The following SNX6 variants were observed in gnomAD, a reference collection of about 807,000 sequenced individuals.
The protein encoded by SNX6 is sorting nexin-6.
In SNX6, 34 loss-of-function variants were observed where a neutral mutation model predicts 63.0. The observed-to-expected ratio is 0.54, with a 90% CI of 0.41 to 0.72. The LOEUF (loss-of-function observed/expected upper bound fraction) is 0.72, where lower values mean the gene tolerates loss of function less well. Ranked by LOEUF, SNX6 falls within the 30% of genes least tolerant of loss-of-function variation. The probability of loss-of-function intolerance (pLI) is 0.00; values close to 1 mark genes in which losing one functional copy is unlikely to be tolerated. For synonymous variants in SNX6, 170 were observed against 164.2 expected, an observed-to-expected ratio of 1.04 and a Z score of -0.27; for missense variants, 398 against 471.4, an observed-to-expected ratio of 0.84 and a Z score of 1.44.
chr14:34,583,845 G>T (rs1338446806), intron 9 of SNX6, among the ~76,000 whole-genome samples: 1 of 94,742 alleles, frequency 1.1e-5, no homozygotes, highest in East Asian at 3.0e-4. Context: ...TCTTTGGGAA[G>T]GTGGCTTTTT....
chr14:34,592,563 G>A (rs1348822973), intron 8 of SNX6, among the ~76,000 whole-genome samples: 2 of 152,044 alleles, frequency 1.3e-5, no homozygotes, highest in Non-Finnish European at 2.9e-5. Flanking sequence ...AAAAATAGTT[G>A]TTGTTTTGTT....
chr14:34,599,089 G>C (rs1201195192), intron 6 of SNX6, among the ~76,000 whole-genome samples: 1 of 152,174 alleles, frequency 6.6e-6, no homozygotes, highest in Non-Finnish European at 1.5e-5. Context: ...CTAGCACCCT[G>C]ATCTTGGGCT....
intron 10 of SNX6, among the ~76,000 whole-genome samples, chr14:34,580,771 G>A (rs1034608917): frequency 2.6e-5 from 4 of 151,396 alleles, no homozygotes; most frequent in Non-Finnish European, 5.9e-5. Flanking sequence ...GCATCCTCCT[G>A]CCTCAGCCTC....
rs141486531 is a variant in SNX6 at position 34,604,483 on chromosome 14, T to C, written c.393-1012A>G. On this transcript the variant is annotated intron_variant, in intron 5 of 13. Coordinates refer to ENST00000362031, the MANE Select transcript of SNX6 (RefSeq NM_152233.4). ...AAGAGAAGTATAGTAGCAGTGTGAA[T>C]ATATAACTAAAAACTAAAACTAGTG... Among the ~76,000 whole-genome samples the C allele has an allele frequency of 1.4e-3, 212 of 152,128 alleles. 1 individual carries two copies. The highest frequency in any genetic ancestry group is 4.7e-3 in the African/African-American group (193 of 41,488).
At chr14:34,568,829 C>T in intron 11 of SNX6, 1 of 1,049,138 alleles carries the variant, frequency 9.5e-7, no homozygotes, top group East Asian at 2.4e-5. Context: ...ACCCGGTGGG[C>T]CACATTCTTG....
At chr14:34,618,511 C>T (rs1883509304) in intron 2 of SNX6, among the ~76,000 whole-genome samples, 1 of 152,116 alleles carries the variant, frequency 6.6e-6, no homozygotes, top group South Asian at 2.1e-4. Context: ...ACACCATGCC[C>T]AGCTAATTTT....
intron 3 of SNX6, among the ~76,000 whole-genome samples, chr14:34,608,400 C>T (rs927370510): frequency 9.2e-5 from 14 of 152,220 alleles, no homozygotes; most frequent in African/African-American, 1.9e-4. Flanking sequence ...TGGACTCAAG[C>T]GATCATCCTG....
At chr14:34,616,191 T>C (rs939011024) in intron 2 of SNX6, among the ~76,000 whole-genome samples, 1 of 150,048 alleles carries the variant, frequency 6.7e-6, no homozygotes, top group Non-Finnish European at 1.5e-5. Context: ...CCTGACCTCA[T>C]GATCCACCTG....
chr14:34,617,125 T>G (rs1883446292), intron 2 of SNX6, among the ~76,000 whole-genome samples: 1 of 151,272 alleles, frequency 6.6e-6, no homozygotes, highest in Admixed American at 6.6e-5. Flanking sequence ...TGAGTTCAGT[T>G]TGAAGAAATT....
chr14:34,571,696 C>T (rs1316946667), intron 11 of SNX6, among the ~76,000 whole-genome samples: 1 of 152,156 alleles, frequency 6.6e-6, no homozygotes, highest in African/African-American at 2.4e-5. Context: ...ACATATCATG[C>T]ATCCACAGCA....
At chr14:34,606,732 G>A (rs1020052739) in intron 4 of SNX6, among the ~76,000 whole-genome samples, 3 of 151,076 alleles carry the variant, frequency 2.0e-5, no homozygotes, top group African/African-American at 2.4e-5. Flanking sequence ...GTCAGCCACC[G>A]TGGCCGGCCG....
At chr14:34,591,170 C>G (rs900460951) in intron 8 of SNX6, among the ~76,000 whole-genome samples, 3 of 151,648 alleles carry the variant, frequency 2.0e-5, no homozygotes, top group African/African-American at 7.3e-5. Flanking sequence ...CCAAAACTTA[C>G]CAAATTGTAC....
At chr14:34,575,920 T>C in intron 10 of SNX6, 78 bp from the exon 11 acceptor site, 1 of 771,720 alleles carries the variant, frequency 1.3e-6, no homozygotes, top group Admixed American at 3.0e-5. Flanking sequence ...TTTGTTGTTG[T>C]TGTTTTTTTG....
chr14:34,574,619 CAAAAAAAAAAAAA>C (rs33959613), intron 11 of SNX6, among the ~76,000 whole-genome samples: 1 of 79,438 alleles, frequency 1.3e-5, no homozygotes, highest in Non-Finnish European at 2.5e-5. Flanking sequence ...GACTCCATCT[CAAAAAAAAAAAAA>C]AAAAAAAAAA....
chr14:34,616,930 A>C (rs1883438232), intron 2 of SNX6, among the ~76,000 whole-genome samples: 1 of 152,024 alleles, frequency 6.6e-6, no homozygotes, highest in Non-Finnish European at 1.5e-5. Context: ...AAAGAAAAAA[A>C]AAATTAGCTG....
Position 34,601,982 on chromosome 14 carries a change from C to T in SNX6, c.516+1366G>A, listed in dbSNP as rs147717954. Among the ~76,000 whole-genome samples the T allele has an allele frequency of 1.4e-3, 210 of 152,102 alleles. 1 individual carries two copies. The highest frequency in any genetic ancestry group is 4.6e-3 in the African/African-American group (192 of 41,508). On this transcript the variant is annotated intron_variant, in intron 6 of 13. Coordinates refer to ENST00000362031, the MANE Select transcript of SNX6 (RefSeq NM_152233.4). ...AACTGCATTACTACTGAAAAAGTGTCACTTAAACTACCTTGAAAAATACAA... is the reference window on the plus strand; with the variant it reads ...AACTGCATTACTACTGAAAAAGTGTTACTTAAACTACCTTGAAAAATACAA...
chr14:34,608,619 T>C (rs2138355354), intron 3 of SNX6, among the ~76,000 whole-genome samples: 1 of 152,344 alleles, frequency 6.6e-6, no homozygotes. Context: ...TATTATATTG[T>C]ACTGCTACAG....
chr14:34,586,836 C>T (rs1412853379), intron 8 of SNX6, among the ~76,000 whole-genome samples: 6 of 151,212 alleles, frequency 4.0e-5, no homozygotes, highest in Non-Finnish European at 8.8e-5. Flanking sequence ...GGTAAAACCC[C>T]GTCTCTACTA....
intron 8 of SNX6, among the ~76,000 whole-genome samples, chr14:34,589,156 A>G (rs1882291700): frequency 6.6e-6 from 1 of 152,052 alleles, no homozygotes; most frequent in African/African-American, 2.4e-5. Flanking sequence ...AAGGAAAAAG[A>G]AAATATAAAG....
Sources: allele counts gnomAD v4.1 joint callset (sites outside exome capture counted in the v4.1 genomes callset), GRCh38; gene constraint gnomAD v4.1.1; transcripts MANE v1.5; gene names NCBI Gene and HGNC (gene_info 2026-07-23, HGNC 2026-07-21).